The following SYNE2 variants were observed in gnomAD, a reference collection of about 807,000 sequenced individuals.
SYNE2 encodes the protein spectrin repeat containing nuclear envelope protein 2.
In SYNE2, 431 loss-of-function variants were observed where a neutral mutation model predicts 856.3. That is an observed-to-expected ratio of 0.50 (90% CI 0.47 to 0.55). The LOEUF (loss-of-function observed/expected upper bound fraction) is 0.55, where lower values mean the gene tolerates loss of function less well. Among genes scored for constraint, SYNE2 ranks in the 20% least tolerant of loss-of-function variants. The pLI is 0.00. For missense variants in SYNE2, 8,129 were observed against 8,023.2 expected, an observed-to-expected ratio of 1.01 and a Z score of -0.50; for synonymous variants, 2,923 against 2,872.3, an observed-to-expected ratio of 1.02 and a Z score of -0.56.
chr14:64,091,135 T>C, intron 60 of SYNE2, 87 bp downstream of exon 60: 2 of 1,195,230 alleles, frequency 1.7e-6, no homozygotes, highest in Non-Finnish European at 2.4e-6. Context: ...TGAAATTCAT[T>C]ATTATCCTAT....
chr14:64,052,266 T>C lies in SYNE2; in HGVS notation c.8353T>C (p.Leu2785=). ...AGCTAGGCAGCAGTCTGTGGAATCG[T>C]TGGCTGAAGAGGTCAAAGATAAGGT... ...ILARQQSVES[L]AEEVKDKVPS... is the part of the protein sequence containing the mutation. Residue 2785 remains leucine, a synonymous_variant, in exon 48 of 116, where the codon TTG becomes CTG. Coordinates refer to ENST00000555002, the MANE Select transcript of SYNE2 (RefSeq NM_182914.3). 6.2e-7 allele frequency: 1 copy of C among 1,614,192 alleles called. No homozygotes were observed. The highest frequency in any genetic ancestry group is 8.5e-7 in the Non-Finnish European group (1 of 1,180,038).
chr14:63,817,889 G>A (rs530668958), intron 1 of SYNE2, among the ~76,000 whole-genome samples: 1 of 151,846 alleles, frequency 6.6e-6, no homozygotes. Flanking sequence ...GTCGAGCATG[G>A]TGGTGCATAC....
chr14:64,186,597 A>C lies in SYNE2; in HGVS notation c.17712+18A>C. 1 of 1,614,110 alleles carries C rather than the reference A, an allele frequency of 6.2e-7. No homozygotes were observed. Among genetic ancestry groups the C allele is most frequent in the South Asian group, 1.1e-5 (1 of 91,076 alleles). The stretch of plus-strand genomic sequence containing the variant: ...GCTTAAGGGTAAGTCAGCTCACTGC[A>C]GGGCACGGCTGTTTGGGAGTGGATT... On this transcript the variant is annotated intron_variant, in intron 97 of 115. Transcript: ENST00000555002.
chr14:63,849,700 C>G (rs932910722), upstream of SYNE2, among the ~76,000 whole-genome samples: 1 of 152,144 alleles, frequency 6.6e-6, no homozygotes, highest in African/African-American at 2.4e-5. Flanking sequence ...AATAGCAACT[C>G]TTGTGCCATG....
At position 64,223,194 on chromosome 14, in the gene SYNE2, G is replaced by A. The variant is rs753908664; in HGVS notation, c.20196G>A (p.Leu6732=). 2 of 1,613,658 alleles carry A rather than the reference G, an allele frequency of 1.2e-6. No individual in the cohort carries two copies. The highest frequency in any genetic ancestry group is 8.5e-7 in the Non-Finnish European group (1 of 1,179,826). The part of the protein sequence containing the change: ...LLECRRELMQ[L]EKELVERQPQ... ...CACACTTTATCTGTTTTCAGCAACT[G>A]GAAAAGGAGCTGGTAGAACGTCAAC... The change falls in exon 113 of 116, where the codon CTG becomes CTA. Residue 6732 remains leucine (L), a synonymous_variant. Transcript: ENST00000555002.
intron 61 of SYNE2, among the ~76,000 whole-genome samples, chr14:64,095,922 T>C (rs1434754550): frequency 6.6e-5 from 10 of 152,104 alleles, no homozygotes; most frequent in African/African-American, 2.4e-4. Flanking sequence ...ATGAATGGGA[T>C]TAGGTGCCCT....
chr14:63,802,768 T>G (rs1888195372), intron 1 of SYNE2, among the ~76,000 whole-genome samples: 1 of 152,138 alleles, frequency 6.6e-6, no homozygotes, highest in South Asian at 2.1e-4. Flanking sequence ...GGGTTCGTGG[T>G]CTCGCTGGCT....
At chr14:64,010,363 C>T (rs2096834257) in intron 32 of SYNE2, among the ~76,000 whole-genome samples, 1 of 152,140 alleles carries the variant, frequency 6.6e-6, no homozygotes, top group Non-Finnish European at 1.5e-5. Flanking sequence ...TTCTGCTCAC[C>T]CCTGCTGCCA....
chr14:63,786,518 G>C (rs1230887508), intron 1 of SYNE2, among the ~76,000 whole-genome samples: 1 of 152,096 alleles, frequency 6.6e-6, no homozygotes, highest in Non-Finnish European at 1.5e-5. Flanking sequence ...GATGTTTACT[G>C]CCATGTCTTT....
intron 17 of SYNE2, among the ~76,000 whole-genome samples, chr14:63,983,458 C>G (rs1051185886): frequency 6.6e-6 from 1 of 152,114 alleles, no homozygotes; most frequent in Admixed American, 6.5e-5. Context: ...GTTTTGCCTA[C>G]TAGATTTTCA....
At position 64,056,117 on chromosome 14, in the gene SYNE2, A is replaced by G. The variant is rs776048612; in HGVS notation, c.9918A>G (p.Thr3306=). The change falls in exon 49 of 116, where the codon ACA becomes ACG. Residue 3306 remains threonine, a synonymous_variant. Transcript: ENST00000555002. ...PLRKQEELES[T]VAHIQDLTEK... ...GAAAACAAGAGGAATTGGAATCCACAGTAGCACACATCCAGGACCTCACTG... is the reference window on the plus strand; with the variant it reads ...GAAAACAAGAGGAATTGGAATCCACGGTAGCACACATCCAGGACCTCACTG... 3.1e-6 allele frequency: 5 copies of G among 1,614,188 alleles called. No homozygotes were observed. The highest frequency in any genetic ancestry group is 3.4e-6 in the Non-Finnish European group (4 of 1,180,032).
intron 98 of SYNE2, among the ~76,000 whole-genome samples, chr14:64,189,613 A>G (rs2098508214): frequency 1.3e-5 from 2 of 152,232 alleles, no homozygotes; most frequent in African/African-American, 4.8e-5. Context: ...TTATTGCCTT[A>G]CATATTTTGC....
At position 64,051,970 on chromosome 14, in the gene SYNE2, C is replaced by G. The variant is rs2097230836; in HGVS notation, c.8057C>G (p.Ala2686Gly). 5 of 1,613,640 alleles carry G rather than the reference C, an allele frequency of 3.1e-6. No homozygotes were observed. Among genetic ancestry groups the G allele is most frequent in the Non-Finnish European group, 3.4e-6 (4 of 1,180,008 alleles). ...GGATTTTCTGTTTTAAAGGGGCAAG[C>G]TGAACTTCAGATGAAGAGGATTTGG... ...KHGFSVLKGQ[A>G]ELQMKRIWGE... is the part of the protein sequence containing the mutation. The change falls in exon 48 of 116, where the codon GCT becomes GGT. Residue 2686 changes from alanine to glycine, a missense_variant. Coordinates refer to ENST00000555002, the MANE Select transcript of SYNE2 (RefSeq NM_182914.3).
At chr14:63,832,080 A>C (rs1211687132) in intron 1 of SYNE2, among the ~76,000 whole-genome samples, 1 of 152,144 alleles carries the variant, frequency 6.6e-6, no homozygotes, top group Non-Finnish European at 1.5e-5. Context: ...TAAATGTTCA[A>C]AATAAACATG....
chr14:64,158,624 G>A lies in SYNE2; in HGVS notation c.15793-1G>A. ...TCAGTACGTTTCCACTTTTTGTCTA[G>A]GTCAATCAGCTCAAAACCTCCATGC... On this transcript the variant is annotated splice_acceptor_variant, in intron 85 of 115. Coordinates refer to ENST00000555002, the MANE Select transcript of SYNE2 (RefSeq NM_182914.3). LOFTEE classifies it high-confidence loss of function. 6.2e-7 allele frequency: 1 copy of A among 1,613,756 alleles called. No individual in the cohort carries two copies. Among genetic ancestry groups the A allele is most frequent in the South Asian group, 1.1e-5 (1 of 91,048 alleles).
chr14:63,875,319 A>G (rs935082596), intron 1 of SYNE2, among the ~76,000 whole-genome samples: 2 of 152,216 alleles, frequency 1.3e-5, no homozygotes, highest in Non-Finnish European at 2.9e-5. Context: ...ATAGATAAAA[A>G]TCAAAGACCA....
rs11423254 is a variant in SYNE2, at chr14:64,189,964, A to ATT, written c.17872-91_17872-90dup. ...TGGTATGAGCCACTATGCCTGGCCA[A>ATT]TTTTTTTTTTTTTTTTTAATTTCAA... On this transcript the variant is annotated intron_variant, in intron 98 of 115. Coordinates refer to ENST00000555002, the MANE Select transcript of SYNE2 (RefSeq NM_182914.3). 0.16 allele frequency: 181,933 copies of ATT among 1,147,646 alleles called. 4,136 individuals carry two copies. Among genetic ancestry groups the ATT allele is most frequent in the Middle Eastern group, 0.18 (617 of 3,352 alleles). The allele number at this position is 1,147,646 out of a possible 1,614,324, so 71.1% of individuals were successfully genotyped here. A position where few individuals can be genotyped will look rare whatever the true frequency, so the allele number is the denominator to read the frequency against.
intron 2 of SYNE2, among the ~76,000 whole-genome samples, chr14:63,927,424 G>A (rs2095683778): frequency 6.6e-6 from 1 of 152,064 alleles, no homozygotes; most frequent in Non-Finnish European, 1.5e-5. Flanking sequence ...ATCTTGAATT[G>A]CGCTCCCGTA....
chr14:63,983,975 C>A, intron 18 of SYNE2, 89 bp downstream of exon 18: 1 of 969,362 alleles, frequency 1.0e-6, no homozygotes, highest in Non-Finnish European at 1.5e-6. Flanking sequence ...GGCACGGTGG[C>A]TCATGCCTGT....
Sources: allele counts gnomAD v4.1 joint callset (sites outside exome capture counted in the v4.1 genomes callset), GRCh38; gene constraint gnomAD v4.1.1; transcripts MANE v1.5; gene names NCBI Gene and HGNC (gene_info 2026-07-23, HGNC 2026-07-21).